The following NSD1 variants were observed in gnomAD, a reference collection of about 807,000 sequenced individuals.
NSD1 encodes the protein histone-lysine N-methyltransferase, H3 lysine-36 specific.
NSD1 carries 26 observed loss-of-function variants against 242.7 expected under a neutral mutation model. The ratio of observed to expected loss-of-function variants is 0.11; its 90% CI spans 0.08 to 0.15. NSD1 has a LOEUF of 0.15. Among genes scored for constraint, NSD1 ranks in the 10% least tolerant of loss-of-function variants. The probability of loss-of-function intolerance (pLI) is 1.00; values close to 1 mark genes in which losing one functional copy is unlikely to be tolerated. For synonymous variants in NSD1, 1,106 were observed against 1,178.1 expected (o/e 0.94, Z 1.25); for missense variants, 2,495 against 3,272.8 (o/e 0.76, Z 5.80).
At chr5:177,161,003 A>G (rs1384759824) in intron 2 of NSD1, among the ~76,000 whole-genome samples, 1 of 152,098 alleles carries the variant, frequency 6.6e-6, no homozygotes, top group African/African-American at 2.4e-5. Flanking sequence ...TCTGGACCTC[A>G]GGTGATCTGC....
At chr5:177,207,306 A>G (rs1762953956) in intron 4 of NSD1, among the ~76,000 whole-genome samples, 1 of 149,940 alleles carries the variant, frequency 6.7e-6, no homozygotes, top group Non-Finnish European at 1.5e-5. Context: ...ATTTTGAGAC[A>G]GAGTCTCGCT....
At position 177,297,843 on chromosome 5, in the gene NSD1, G is replaced by T. The variant is rs1430127725; in HGVS notation, c.*2384G>T. The T allele has an allele frequency of 4.3e-6, 1 of 232,836 alleles. No individual in the cohort carries two copies. The highest frequency in any genetic ancestry group is 8.5e-6 in the Non-Finnish European group (1 of 117,980). The allele number at this position is 232,836 out of a possible 1,614,324, so 14.4% of individuals were successfully genotyped here. ...ATTGGCTGCTTTGTGGTTTTATTTTGGTTCTTTCCATTCTCCGCCATTCAT... is the reference window on the plus strand; with the variant it reads ...ATTGGCTGCTTTGTGGTTTTATTTTTGTTCTTTCCATTCTCCGCCATTCAT... On this transcript the variant is annotated 3_prime_UTR_variant, in exon 23 of 23. Transcript: ENST00000439151.
chr5:177,251,219 A>C (rs1041732985), intron 11 of NSD1, among the ~76,000 whole-genome samples: 1 of 151,962 alleles, frequency 6.6e-6, no homozygotes. Flanking sequence ...TAAATCTTAC[A>C]ATGTTTTATA....
intron 2 of NSD1, among the ~76,000 whole-genome samples, chr5:177,151,269 G>A (rs1164317897): frequency 1.3e-5 from 2 of 152,122 alleles, no homozygotes; most frequent in East Asian, 3.9e-4. Flanking sequence ...CCAGCTACTC[G>A]GGAGGCTGAG....
intron 4 of NSD1, among the ~76,000 whole-genome samples, chr5:177,205,987 T>A (rs1762840198): frequency 6.6e-6 from 1 of 152,058 alleles, no homozygotes; most frequent in African/African-American, 2.4e-5. Context: ...CTACAGTGGC[T>A]AATTTTTATT....
intron 12 of NSD1, among the ~76,000 whole-genome samples, chr5:177,254,187 T>G (rs956059348): frequency 6.6e-6 from 1 of 152,076 alleles, no homozygotes; most frequent in Non-Finnish European, 1.5e-5. Context: ...CCTCAGGTGG[T>G]CCACTCTCCT....
At position 177,299,486 on chromosome 5, in the gene NSD1, TAGAG is replaced by T. The variant is rs1361254812; in HGVS notation, c.*4030_*4033del. ...GTCCACGCTGCCTGGAGCAGGTTGT[TAGAG>T]AGCTCTGGTTGTTGGGTCTTCCTCA... On this transcript the variant is annotated 3_prime_UTR_variant, in exon 23 of 23. Coordinates refer to ENST00000439151, the MANE Select transcript of NSD1 (RefSeq NM_022455.5). 3 of 233,184 alleles carry T rather than the reference TAGAG, an allele frequency of 1.3e-5. No individual in the cohort carries two copies. The highest frequency in any genetic ancestry group is 2.5e-5 in the Non-Finnish European group (3 of 118,064). The allele number at this position is 233,184 out of a possible 1,614,324, so 14.4% of individuals were successfully genotyped here. A position where few individuals can be genotyped will look rare whatever the true frequency, so the allele number is the denominator to read the frequency against.
intron 12 of NSD1, among the ~76,000 whole-genome samples, chr5:177,254,901 T>C (rs971007203): frequency 6.6e-6 from 1 of 152,196 alleles, no homozygotes; most frequent in Non-Finnish European, 1.5e-5. Flanking sequence ...AGCTATTATC[T>C]TTGAGAGTAG....
At chr5:177,259,867 T>C (rs1426993002) in intron 13 of NSD1, 122 bp from the exon 14 acceptor site, 1 of 1,036,810 alleles carries the variant, frequency 9.6e-7, no homozygotes, top group Non-Finnish European at 1.5e-6. Flanking sequence ...ATCATCTTAG[T>C]GGTCATTCCT....
chr5:177,293,169 G>C (rs977402133), intron 22 of NSD1, among the ~76,000 whole-genome samples: 1 of 152,118 alleles, frequency 6.6e-6, no homozygotes, highest in Admixed American at 6.5e-5. Flanking sequence ...AGTGGGAGCT[G>C]GTGTAGTTGA....
intron 13 of NSD1, among the ~76,000 whole-genome samples, chr5:177,257,705 G>A (rs963544701): frequency 2.0e-5 from 3 of 152,022 alleles, no homozygotes; most frequent in African/African-American, 7.2e-5. Context: ...CGTGTGGTAG[G>A]GTATTAAATA....
At chr5:177,206,936 AT>A (rs1308730149) in intron 4 of NSD1, among the ~76,000 whole-genome samples, 58 of 144,670 alleles carry the variant, frequency 4.0e-4, no homozygotes, top group East Asian at 1.4e-3. Context: ...AGTTACCCTA[AT>A]TTTTTTTTTT....
chr5:177,233,425 G>A (rs1765209396), intron 5 of NSD1, among the ~76,000 whole-genome samples: 1 of 151,868 alleles, frequency 6.6e-6, no homozygotes, highest in African/African-American at 2.4e-5. Flanking sequence ...CTGGAGTGCA[G>A]TGGCTAGATC....
At chr5:177,285,446 C>T (rs1472849789) in intron 20 of NSD1, among the ~76,000 whole-genome samples, 1 of 151,224 alleles carries the variant, frequency 6.6e-6, no homozygotes, top group Non-Finnish European at 1.5e-5. Flanking sequence ...CGCCTGTAGT[C>T]TCAGCTACTC....
chr5:177,212,308 A>C (rs1763409676), intron 5 of NSD1, 113 bp downstream of exon 5: 2 of 980,488 alleles, frequency 2.0e-6, no homozygotes, highest in African/African-American at 1.6e-5. Context: ...ACTAGCGGGG[A>C]AGAATCATCA....
At chr5:177,138,333 TCAAC>T (rs932318785) in intron 2 of NSD1, among the ~76,000 whole-genome samples, 2 of 151,022 alleles carry the variant, frequency 1.3e-5, no homozygotes, top group Non-Finnish European at 3.0e-5. Context: ...TCAGCTCACT[TCAAC>T]CACCTCCTCC....
intron 2 of NSD1, among the ~76,000 whole-genome samples, chr5:177,191,644 A>G (rs937101479): frequency 3.3e-5 from 5 of 152,202 alleles, no homozygotes; most frequent in African/African-American, 1.2e-4. Context: ...TTTATTTTCA[A>G]AATACGGATA....
chr5:177,207,305 CAG>C (rs1174991451), intron 4 of NSD1, among the ~76,000 whole-genome samples: 1 of 150,620 alleles, frequency 6.6e-6, no homozygotes, highest in Non-Finnish European at 1.5e-5. Context: ...TATTTTGAGA[CAG>C]AGTCTCGCTC....
Position 177,295,808 on chromosome 5 carries a change from C to T in NSD1, c.*349C>T, listed in dbSNP as rs1296869263. Reference sequence around the variant, plus strand: ...GGTCAGGTTGGAAGGTATAGGGGCTCTCAAAGCGATTTCCCCAACCAGACA... The same window carrying T: ...GGTCAGGTTGGAAGGTATAGGGGCTTTCAAAGCGATTTCCCCAACCAGACA... On this transcript the variant is annotated 3_prime_UTR_variant, in exon 23 of 23. Coordinates refer to ENST00000439151, the MANE Select transcript of NSD1 (RefSeq NM_022455.5). The surrounding 1 kb of genome is among the most constrained non-coding windows in gnomAD (Gnocchi z 4.3). The T allele has an allele frequency of 2.3e-6, 1 of 438,924 alleles. No homozygotes were observed. The highest frequency in any genetic ancestry group is 2.0e-5 in the African/African-American group (1 of 51,208). 27.2% of individuals were successfully genotyped at this position (438,924 alleles called of 1,614,324 possible). A position where few individuals can be genotyped will look rare whatever the true frequency, so the allele number is the denominator to read the frequency against.
Sources: gnomAD v4.1 joint callset for allele counts (sites outside exome capture counted in the v4.1 genomes callset) on GRCh38, gnomAD v4.1.1 for gene constraint, Gnocchi (gnomAD v3.1) non-coding constraint, MANE v1.5 for transcripts, NCBI Gene and HGNC (gene_info 2026-07-23, HGNC 2026-07-21) for gene names.